Variants in LYPLA1 observed in about 807,000 individuals in gnomAD.
LYPLA1 encodes lysophospholipase 1.
Under a neutral mutation model 34.0 loss-of-function variants are expected in LYPLA1, and 17 were observed. The observed-to-expected ratio is 0.50, with a 90% CI of 0.34 to 0.75. LYPLA1 has a LOEUF of 0.75. Among genes scored for constraint, LYPLA1 ranks in the 30% least tolerant of loss-of-function variants. The pLI is 0.01. For missense variants in LYPLA1, 203 were observed against 288.8 expected (o/e 0.70, Z 2.15); for synonymous variants, 98 against 100.8 (o/e 0.97, Z 0.17).
intron 2 of LYPLA1, among the ~76,000 whole-genome samples, chr8:54,090,130 C>T (rs555002507): frequency 1.3e-5 from 2 of 152,332 alleles, no homozygotes; most frequent in East Asian, 1.9e-4. Context: ...GAATGCGACC[C>T]TTGTGGAGAG....
At chr8:54,065,847 C>T in intron 2 of LYPLA1, 34 bp from the exon 3 acceptor site, 1 of 1,466,736 alleles carries the variant, frequency 6.8e-7, no homozygotes, top group Non-Finnish European at 9.6e-7. Flanking sequence ...TGCTATTAGA[C>T]ACTGTTTTAA....
downstream of LYPLA1, among the ~76,000 whole-genome samples, chr8:54,045,260 A>G (rs538081770): frequency 7.2e-5 from 11 of 152,356 alleles, no homozygotes; most frequent in South Asian, 2.3e-3. Context: ...ATAAAATGGT[A>G]CTTGTTAAGA....
chr8:54,077,481 A>G (rs975862032), intron 2 of LYPLA1, among the ~76,000 whole-genome samples: 1 of 152,168 alleles, frequency 6.6e-6, no homozygotes, highest in South Asian at 2.1e-4. Flanking sequence ...CTGAATCTAA[A>G]TAACAAGTTA....
rs912263529 is a variant in LYPLA1 at position 54,101,002 on chromosome 8, A to T, written c.70-63T>A. 9 of 1,348,018 alleles carry T rather than the reference A, an allele frequency of 6.7e-6. No individual in the cohort carries two copies. In the African/African-American group the frequency reaches 1.3e-4, roughly 19 times the overall value. 83.5% of individuals were successfully genotyped at this position (1,348,018 alleles called of 1,614,324 possible). Reference sequence around the variant, plus strand: ...ATAAGCCCACACAGGATTGTTACACACTAGCTTTGCTTAAGGTGGAAAACG... The same window carrying T: ...ATAAGCCCACACAGGATTGTTACACTCTAGCTTTGCTTAAGGTGGAAAACG... On this transcript the variant is annotated intron_variant, in intron 1 of 8. Coordinates refer to ENST00000316963, the MANE Select transcript of LYPLA1 (RefSeq NM_006330.4).
At position 54,063,395 on chromosome 8, in the gene LYPLA1, C is replaced by T. The variant is rs1806803109; in HGVS notation, c.168-20G>A. ...ACAGGCCTACATGGAAAAGAAAAAA[C>T]AACAAAATCAGAATAACAAAGCATA... On this transcript the variant is annotated intron_variant, in intron 3 of 8. Coordinates refer to ENST00000316963, the MANE Select transcript of LYPLA1 (RefSeq NM_006330.4). 5 of 1,484,200 alleles carry T rather than the reference C, an allele frequency of 3.4e-6. No individual in the cohort carries two copies. Among genetic ancestry groups the T allele is most frequent in the Non-Finnish European group, 4.6e-6 (5 of 1,097,270 alleles). 91.9% of individuals were successfully genotyped at this position (1,484,200 alleles called of 1,614,324 possible). A position where few individuals can be genotyped will look rare whatever the true frequency, so the allele number is the denominator to read the frequency against.
intron 2 of LYPLA1, among the ~76,000 whole-genome samples, chr8:54,094,634 A>AT (rs1287648976): frequency 3.9e-5 from 6 of 152,226 alleles, no homozygotes; most frequent in African/African-American, 1.4e-4. Context: ...AAGGGTCTAG[A>AT]TCTGGGAGCA....
chr8:54,071,551 G>C lies in LYPLA1; in HGVS notation c.102-5738C>G, dbSNP rs144293077. ...ACACAATGGAACACACGCAGTAAAA[G>C]ATGAACCAAGGAAGCTCCATGACAG... On this transcript the variant is annotated intron_variant, in intron 2 of 8. Coordinates refer to ENST00000316963, the MANE Select transcript of LYPLA1 (RefSeq NM_006330.4). Among the ~76,000 whole-genome samples the C allele has an allele frequency of 3.0e-3, 464 of 152,278 alleles. 1 individual carries two copies. Among genetic ancestry groups the C allele is most frequent in the African/African-American group, 0.011 (453 of 41,528 alleles).
At chr8:54,081,445 A>C (rs970243014) in intron 2 of LYPLA1, among the ~76,000 whole-genome samples, 1 of 151,878 alleles carries the variant, frequency 6.6e-6, no homozygotes, top group African/African-American at 2.4e-5. Flanking sequence ...GAAAAAAAAA[A>C]CAACTGGAAG....
intron 2 of LYPLA1, among the ~76,000 whole-genome samples, chr8:54,068,288 G>C (rs1225295981): frequency 1.3e-5 from 2 of 152,122 alleles, no homozygotes; most frequent in African/African-American, 4.8e-5. Context: ...AAAGACGGCA[G>C]TACTCTCAAA....
chr8:54,063,559 G>A (rs1479358091), intron 3 of LYPLA1, among the ~76,000 whole-genome samples, 184 bp from the exon 4 acceptor site: 1 of 152,178 alleles, frequency 6.6e-6, no homozygotes, highest in African/African-American at 2.4e-5. Flanking sequence ...CTCCAAATGT[G>A]TTCTGAAGAC....
intron 2 of LYPLA1, among the ~76,000 whole-genome samples, chr8:54,098,754 C>T (rs1809882250): frequency 6.6e-6 from 1 of 152,122 alleles, no homozygotes; most frequent in African/African-American, 2.4e-5. Flanking sequence ...TGGAATTTTT[C>T]ATTTAGTATT....
At chr8:54,084,993 C>T (rs573129190) in intron 2 of LYPLA1, among the ~76,000 whole-genome samples, 7 of 144,648 alleles carry the variant, frequency 4.8e-5, no homozygotes, top group Admixed American at 2.0e-4. Flanking sequence ...TCCCTCCTCT[C>T]CCTCCTCTTC....
chr8:54,072,414 C>CACAGCAAAAGAAACT (rs1563611700), intron 2 of LYPLA1, among the ~76,000 whole-genome samples: 2 of 152,074 alleles, frequency 1.3e-5, no homozygotes, highest in African/African-American at 4.8e-5. Flanking sequence ...GGAGCTATTG[C>CACAGCAAAAGAAACT]ACAGCAAAAG....
intron 7 of LYPLA1, among the ~76,000 whole-genome samples, chr8:54,052,139 C>T (rs1237241786): frequency 6.6e-6 from 1 of 152,144 alleles, no homozygotes; most frequent in African/African-American, 2.4e-5. Context: ...GCATGAGCCA[C>T]CGCACCTGGT....
At chr8:54,049,700 C>T (rs1337002136) in intron 8 of LYPLA1, among the ~76,000 whole-genome samples, 1 of 151,998 alleles carries the variant, frequency 6.6e-6, no homozygotes, top group Non-Finnish European at 1.5e-5. Flanking sequence ...CATCTTCTTC[C>T]TCCCTCCTTC....
chr8:54,093,507 G>A (rs958934638), intron 2 of LYPLA1, among the ~76,000 whole-genome samples: 5 of 152,196 alleles, frequency 3.3e-5, no homozygotes, highest in African/African-American at 9.7e-5. Context: ...CGGATCTTCC[G>A]TTAAAGAGAA....
At chr8:54,083,537 C>T (rs561406628) in intron 2 of LYPLA1, among the ~76,000 whole-genome samples, 147 of 152,184 alleles carry the variant, frequency 9.7e-4, no homozygotes, top group African/African-American at 3.4e-3. Flanking sequence ...CTGCAAAGGA[C>T]CAAAAGAGTC....
chr8:54,073,448 T>A (rs1486377492), intron 2 of LYPLA1: 1 of 772,106 alleles, frequency 1.3e-6, no homozygotes, highest in Non-Finnish European at 2.4e-6. Context: ...TTTATCTACC[T>A]GGCTGTGATG....
rs1314505245 is a variant in LYPLA1 at position 54,101,875 on chromosome 8, CGGCCCAAGG to C, written c.-61_-53del. The C allele has an allele frequency of 8.8e-7, 1 of 1,137,718 alleles. No individual in the cohort carries two copies. Among genetic ancestry groups the C allele is most frequent in the Non-Finnish European group, 1.1e-6 (1 of 903,178 alleles). 70.5% of individuals were successfully genotyped at this position (1,137,718 alleles called of 1,614,324 possible). A position where few individuals can be genotyped will look rare whatever the true frequency, so the allele number is the denominator to read the frequency against. On this transcript the variant is annotated 5_prime_UTR_variant, in exon 1 of 9. Transcript: ENST00000316963. ...GGAAGGAAGAGCGGGCGCCCGGCCG[CGGCCCAAGG>C]GCGTGCGAGCGGCGAGTCCCGGCCG...
Sources: allele counts gnomAD v4.1 joint callset (sites outside exome capture counted in the v4.1 genomes callset), GRCh38; gene constraint gnomAD v4.1.1; transcripts MANE v1.5; gene names NCBI Gene and HGNC (gene_info 2026-07-23, HGNC 2026-07-21).